FGD4: variants seen among roughly 807,000 people sequenced by gnomAD.
The protein encoded by FGD4 is FYVE, RhoGEF and PH domain containing 4, also known as FYVE, RhoGEF and PH domain-containing protein 4.
Under a neutral mutation model 102.0 loss-of-function variants are expected in FGD4, and 42 were observed. The observed-to-expected ratio is 0.41, with a 90% confidence interval of 0.32 to 0.53. The LOEUF (loss-of-function observed/expected upper bound fraction) is 0.53. Among genes scored for constraint, FGD4 ranks in the 20% least tolerant of loss-of-function variants. The pLI, the probability that FGD4 is intolerant of heterozygous loss-of-function variation, is 0.21. For synonymous variants in FGD4, 380 were observed against 375.7 expected, an observed-to-expected ratio of 1.01 and a Z score of -0.13; for missense variants, 902 against 1,078.2, an observed-to-expected ratio of 0.84 and a Z score of 2.29.
At chr12:32,405,838 TA>T (rs1336644875) in intron 1 of FGD4, among the ~76,000 whole-genome samples, 2 of 152,106 alleles carry the variant, frequency 1.3e-5, no homozygotes, top group Non-Finnish European at 2.9e-5. Flanking sequence ...ATTCAATCAA[TA>T]GTACTTACTT....
chr12:32,462,862 G>A (rs77733879), intron 1 of FGD4, among the ~76,000 whole-genome samples: 5,782 of 152,300 alleles, frequency 0.038, 169 homozygotes, highest in South Asian at 0.12. Context: ...TATAAAAGCA[G>A]TGAGAACAAC....
At chr12:32,485,955 A>G (rs1943886515) in intron 1 of FGD4, 3 of 1,303,216 alleles carry the variant, frequency 2.3e-6, no homozygotes, top group Admixed American at 4.0e-5. Context: ...ATGAAACAGA[A>G]CTCTGTACTT....
In FGD4 at chr12:32,602,170, T is replaced by C; in HGVS notation, c.1257T>C (p.Thr419=). The change falls in exon 7 of 17, where the codon ACT becomes ACC. Residue 419 remains threonine, a synonymous_variant. Transcript: ENST00000534526. ...TCTATATTTGATACAGGGAAACTAC[T>C]CCTAGAATTGGAGACATCCTTCAGA... ...LEKRMQEWET[T]PRIGDILQKL... is the part of the protein sequence containing the mutation. 6.2e-7 allele frequency: 1 copy of C among 1,614,046 alleles called. No homozygotes were observed. The highest frequency in any genetic ancestry group is 8.5e-7 in the Non-Finnish European group (1 of 1,180,012).
At chr12:32,511,428 A>G (rs987730068) in intron 1 of FGD4, among the ~76,000 whole-genome samples, 3 of 152,048 alleles carry the variant, frequency 2.0e-5, no homozygotes, top group Admixed American at 6.6e-5. Context: ...TCTCCAGAGT[A>G]GCTTGGGACT....
intron 8 of FGD4, among the ~76,000 whole-genome samples, chr12:32,609,771 T>A (rs1290464236): frequency 6.6e-6 from 1 of 152,134 alleles, no homozygotes; most frequent in East Asian, 1.9e-4. Context: ...ACAAAAAATG[T>A]AGTTGAAAAG....
chr12:32,523,545 G>A (rs1940772364), intron 1 of FGD4, among the ~76,000 whole-genome samples: 1 of 152,180 alleles, frequency 6.6e-6, no homozygotes, highest in South Asian at 2.1e-4. Context: ...GGGGTTAAAG[G>A]ACTCTAAAAT....
Position 32,544,337 on chromosome 12 carries a change from G to A in FGD4, c.167-19800G>A, listed in dbSNP as rs1943069683. Among the ~76,000 whole-genome samples, 1 of 152,102 alleles carries A rather than the reference G, an allele frequency of 6.6e-6. No homozygotes were observed. Among genetic ancestry groups the A allele is most frequent in the African/African-American group, 2.4e-5 (1 of 41,410 alleles). ...CCCAGCTACTTGGGAGCCTGAGGCA[G>A]GAGAATCACTTGAACCTGGGAGGGA... On this transcript the variant is annotated intron_variant, in intron 1 of 16. Transcript: ENST00000534526. The surrounding 1 kb of genome is among the most constrained non-coding windows in gnomAD (Gnocchi z 4.1).
chr12:32,496,430 T>C lies in FGD4; in HGVS notation c.167-67707T>C, dbSNP rs538754098. On this transcript the variant is annotated intron_variant, in intron 1 of 16. Transcript: ENST00000534526. ...TATACATCTATTTTATCTTGTTAGC[T>C]CCTCTCCCCAACCCCCTACAACAAG... Among the ~76,000 whole-genome samples the C allele has an allele frequency of 2.6e-5, 4 of 152,320 alleles. No homozygotes were observed. In the East Asian group the frequency reaches 7.7e-4, roughly 29 times the overall value.
At chr12:32,498,846 C>T (rs1186795655) in intron 1 of FGD4, among the ~76,000 whole-genome samples, 1 of 152,234 alleles carries the variant, frequency 6.6e-6, no homozygotes. Context: ...CGTGATCCGC[C>T]TGCCTTGGCC....
At chr12:32,551,818 A>G (rs946166874) in intron 1 of FGD4, among the ~76,000 whole-genome samples, 5 of 152,190 alleles carry the variant, frequency 3.3e-5, no homozygotes, top group African/African-American at 1.2e-4. Context: ...GTATTCACTG[A>G]TATTAAAGCT....
intron 1 of FGD4, among the ~76,000 whole-genome samples, chr12:32,407,603 C>T (rs1410541070): frequency 6.6e-6 from 1 of 152,206 alleles, no homozygotes; most frequent in East Asian, 1.9e-4. Context: ...AATCTGGGCC[C>T]TCTGCACTTT....
At chr12:32,540,566 CTT>C (rs528437420) in intron 1 of FGD4, among the ~76,000 whole-genome samples, 13 of 136,348 alleles carry the variant, frequency 9.5e-5, no homozygotes, top group Non-Finnish European at 1.4e-4. Context: ...TCTTTCTTTT[CTT>C]TTTTTTTTTT....
At chr12:32,587,693 T>C (rs548896850) in intron 4 of FGD4, among the ~76,000 whole-genome samples, 2 of 152,140 alleles carry the variant, frequency 1.3e-5, no homozygotes, top group Non-Finnish European at 2.9e-5. Context: ...GCCAGACACA[T>C]CACTTTAACA....
At chr12:32,406,309 T>G (rs1454029641) in intron 1 of FGD4, among the ~76,000 whole-genome samples, 1 of 151,558 alleles carries the variant, frequency 6.6e-6, no homozygotes, top group Non-Finnish European at 1.5e-5. Context: ...ATTCCAGCAC[T>G]TTGGGAGGCA....
At chr12:32,441,205 T>G (rs1276723971) in intron 1 of FGD4, among the ~76,000 whole-genome samples, 1 of 152,176 alleles carries the variant, frequency 6.6e-6, no homozygotes, top group Non-Finnish European at 1.5e-5. Context: ...TCTGCTTTTC[T>G]CAAGCAGCAG....
rs762841875 is a variant in FGD4 at position 32,582,381 on chromosome 12, G to C, written c.925G>C (p.Ala309Pro). ...GPVLPLEERG[A>P]ETETKVQERE... ...AGTGCTCCCCCTAGAAGAAAGAGGG[G>C]CAGAAACAGAAACCAAGGTACAAGA... Residue 309 changes from alanine to proline, a missense_variant, in exon 4 of 17, where the codon GCA (alanine) becomes CCA (proline). Around this residue, in one of 2 missense-constraint regions of FGD4, gnomAD observed 443 missense variants for 459.2 expected, o/e 0.96. Coordinates refer to ENST00000534526, the MANE Select transcript of FGD4 (RefSeq NM_001370298.3). 1 of 1,614,082 alleles carries C rather than the reference G, an allele frequency of 6.2e-7. No individual in the cohort carries two copies. Among genetic ancestry groups the C allele is most frequent in the Admixed American group, 1.7e-5 (1 of 60,010 alleles).
chr12:32,563,085 CG>C (rs1191790461), intron 1 of FGD4, among the ~76,000 whole-genome samples: 4 of 146,778 alleles, frequency 2.7e-5, no homozygotes, highest in South Asian at 2.2e-4. Flanking sequence ...GCTGGCCGGG[CG>C]GGGGGCTGAC....
chr12:32,491,637 T>G (rs1944095348), intron 1 of FGD4, among the ~76,000 whole-genome samples: 1 of 152,348 alleles, frequency 6.6e-6, no homozygotes, highest in Admixed American at 6.5e-5. Context: ...AAACTGTATC[T>G]GAATAAGAAT....
intron 16 of FGD4, 129 bp downstream of exon 16, chr12:32,638,924 A>G: frequency 6.6e-7 from 1 of 1,523,438 alleles, no homozygotes; most frequent in Admixed American, 2.4e-5. Context: ...ATTGAAAAAT[A>G]ATGAGTAAAG....
Sources: allele counts gnomAD v4.1 joint callset (sites outside exome capture counted in the v4.1 genomes callset), GRCh38; gene constraint gnomAD v4.1.1; regional missense constraint gnomAD v4.1.1; non-coding constraint Gnocchi (gnomAD v3.1); transcripts MANE v1.5; gene names NCBI Gene and HGNC (gene_info 2026-07-23, HGNC 2026-07-21).